Variants in KLHDC4 observed in about 807,000 individuals in gnomAD.
KLHDC4 encodes kelch domain-containing protein 4.
In KLHDC4, 90 loss-of-function variants were observed where a neutral mutation model predicts 62.4. That is an observed-to-expected ratio of 1.44 (90% CI 1.22 to 1.72). KLHDC4 has a LOEUF of 1.72. Among genes scored for constraint, KLHDC4 ranks in the 40% most tolerant of loss-of-function variants. The pLI is 0.00. For missense variants in KLHDC4, 1,025 were observed against 699.7 expected (o/e 1.47, Z -5.25); for synonymous variants, 386 against 284.4 (o/e 1.36, Z -3.59).
rs746156990 is a variant in KLHDC4 at position 87,756,432 on chromosome 16, G to T, written c.237C>A (p.Ile79=). The T allele has an allele frequency of 5.6e-6, 9 of 1,613,652 alleles. No homozygotes were observed. The South Asian group carries it at 7.7e-5, about 14-fold the overall frequency. The change falls in exon 3 of 12, where the codon ATC becomes ATA. Residue 79 remains isoleucine (I), a synonymous_variant. Transcript: ENST00000270583. ...LSVHPEKDEL[I]LFGGEYFNGQ... ...CGTTGAAATATTCACCTCCAAAAAGGATTAACTCATCTTTCTCAGGATGAA... is the reference window on the plus strand; with the variant it reads ...CGTTGAAATATTCACCTCCAAAAAGTATTAACTCATCTTTCTCAGGATGAA...
intron 8 of KLHDC4, among the ~76,000 whole-genome samples, chr16:87,711,699 T>C (rs533126104): frequency 6.6e-6 from 1 of 151,704 alleles, no homozygotes; most frequent in Admixed American, 6.5e-5. Flanking sequence ...TAGGGGCAGC[T>C]ACAAGCCGCA....
In KLHDC4 at chr16:87,765,858, G is replaced by A. The variant is rs142401383; in HGVS notation, c.33C>T (p.Gly11=). 12 of 1,553,326 alleles carry A rather than the reference G, an allele frequency of 7.7e-6. No individual in the cohort carries two copies. In the African/African-American group the frequency reaches 1.4e-4, roughly 18 times the overall value. Reference sequence around the variant, plus strand: ...TGGCGGCCGTCTTCTCCGCGCCGCGGCCCTTCTTCTCCTTCTTGCCCTTCT... The same window carrying A: ...TGGCGGCCGTCTTCTCCGCGCCGCGACCCTTCTTCTCCTTCTTGCCCTTCT... MGKKGKKEKK[G]RGAEKTAAKM... The change falls in exon 1 of 12, where the codon GGC becomes GGT. Residue 11 remains glycine (G), a synonymous_variant. Coordinates refer to ENST00000270583, the MANE Select transcript of KLHDC4 (RefSeq NM_017566.4).
At chr16:87,712,907 G>A (rs1024259175) in intron 8 of KLHDC4, among the ~76,000 whole-genome samples, 2 of 152,238 alleles carry the variant, frequency 1.3e-5, no homozygotes, top group Non-Finnish European at 2.9e-5. Context: ...CCTCCCATAA[G>A]AGAGCTGTCC....
intron 2 of KLHDC4, chr16:87,757,573 G>A (rs931363914): frequency 4.6e-5 from 7 of 150,870 alleles, no homozygotes; most frequent in South Asian, 2.1e-4. Flanking sequence ...GAGAACAAAA[G>A]AAGAGCTACA....
chr16:87,755,353 A>C, intron 3 of KLHDC4, 61 bp from the exon 4 acceptor site: 1 of 891,470 alleles, frequency 1.1e-6, no homozygotes, highest in South Asian at 1.4e-5. Context: ...AAGTGGTGAG[A>C]ACAATCTTAA....
chr16:87,720,617 G>C (rs948902861), intron 7 of KLHDC4, among the ~76,000 whole-genome samples: 8 of 152,244 alleles, frequency 5.3e-5, no homozygotes, highest in African/African-American at 1.7e-4. Flanking sequence ...TTGGGAGAGA[G>C]GGACCCATGA....
intron 5 of KLHDC4, among the ~76,000 whole-genome samples, chr16:87,736,672 C>G (rs2041371194): frequency 6.6e-6 from 1 of 152,192 alleles, no homozygotes; most frequent in African/African-American, 2.4e-5. Flanking sequence ...CTCCAGAATT[C>G]AGGCAACTTA....
intron 4 of KLHDC4, among the ~76,000 whole-genome samples, chr16:87,752,819 C>T (rs16943247): frequency 0.12 from 18,976 of 152,192 alleles, 1,356 homozygotes; most frequent in African/African-American, 0.19. Context: ...ATTAAAACTA[C>T]GGAGACCCAC....
chr16:87,705,650 C>G (rs546688606), downstream of KLHDC4, among the ~76,000 whole-genome samples: 12 of 152,384 alleles, frequency 7.9e-5, 1 homozygote, highest in South Asian at 2.5e-3. Flanking sequence ...GAAAAACTGT[C>G]TCTCATAACA....
chr16:87,751,565 C>T lies in KLHDC4; in HGVS notation c.370-2756G>A, dbSNP rs147827007. Among the ~76,000 whole-genome samples, 563 of 152,218 alleles carry T rather than the reference C, an allele frequency of 3.7e-3. 1 individual carries two copies. The highest frequency in any genetic ancestry group is 6.1e-3 in the Non-Finnish European group (417 of 68,020). Reference sequence around the variant, plus strand: ...TTAGGGAGAATAGACAATGGACTTGCCTTTTAATTCTTTTCATTTTTTTCA... The same window carrying T: ...TTAGGGAGAATAGACAATGGACTTGTCTTTTAATTCTTTTCATTTTTTTCA... On this transcript the variant is annotated intron_variant, in intron 4 of 11. Transcript: ENST00000270583.
intron 7 of KLHDC4, among the ~76,000 whole-genome samples, chr16:87,715,655 T>C (rs2036814959): frequency 6.6e-6 from 1 of 152,196 alleles, no homozygotes; most frequent in South Asian, 2.1e-4. Context: ...CTCATTAGAC[T>C]GGGGTTATGA....
chr16:87,736,025 A>C (rs2041248494), intron 5 of KLHDC4, among the ~76,000 whole-genome samples: 1 of 152,246 alleles, frequency 6.6e-6, no homozygotes, highest in South Asian at 2.1e-4. Flanking sequence ...TACAGTCTAC[A>C]CCTTACAAAA....
rs188253317 is a variant in KLHDC4 at position 87,753,228 on chromosome 16, C to A, written c.369+1966G>T. Among the ~76,000 whole-genome samples, 177 of 152,306 alleles carry A rather than the reference C, an allele frequency of 1.2e-3. 1 individual carries two copies. Among genetic ancestry groups the A allele is most frequent in the African/African-American group, 3.9e-3 (164 of 41,584 alleles). ...TGGAGTCTCTGTACACTAAACTGCACCCTGGGAGGGTGAGACCAAGGAACC... is the reference window on the plus strand; with the variant it reads ...TGGAGTCTCTGTACACTAAACTGCAACCTGGGAGGGTGAGACCAAGGAACC... On this transcript the variant is annotated intron_variant, in intron 4 of 11. Coordinates refer to ENST00000270583, the MANE Select transcript of KLHDC4 (RefSeq NM_017566.4).
chr16:87,720,482 G>A (rs768676442), intron 7 of KLHDC4, among the ~76,000 whole-genome samples: 20 of 152,280 alleles, frequency 1.3e-4, no homozygotes, highest in Non-Finnish European at 2.4e-4. Context: ...GGCAAGCAGC[G>A]ACCGCACGCA....
chr16:87,709,195 T>C, intron 10 of KLHDC4, 70 bp downstream of exon 10: 1 of 1,537,598 alleles, frequency 6.5e-7, no homozygotes, highest in Non-Finnish European at 8.8e-7. Context: ...AGGGCTTGCT[T>C]TCGAGGGACG....
chr16:87,731,388 T>C (rs1035022674), intron 5 of KLHDC4, among the ~76,000 whole-genome samples: 31 of 151,602 alleles, frequency 2.0e-4, no homozygotes, highest in African/African-American at 7.0e-4. Context: ...TCTATCTTAA[T>C]AGTAAGATAA....
At chr16:87,704,674 G>A (rs988697400), downstream of KLHDC4, among the ~76,000 whole-genome samples, 3 of 152,024 alleles carry the variant, frequency 2.0e-5, no homozygotes, top group African/African-American at 4.8e-5. Context: ...CAGTGACTTT[G>A]TCACCTAGCC....
exon 1 of KLHDC4, chr16:87,700,485 G>C (rs992784045): frequency 5.9e-6 from 1 of 169,054 alleles, no homozygotes; most frequent in African/African-American, 2.4e-5. Flanking sequence ...AGGGGGTAGA[G>C]GGAGGAGGGC....
downstream of KLHDC4, among the ~76,000 whole-genome samples, chr16:87,703,599 G>T (rs111589787): frequency 1.0e-2 from 1,519 of 152,332 alleles, 7 homozygotes; most frequent in Non-Finnish European, 0.018. Context: ...GTAAACCTGC[G>T]CTTCTCACCC....
Sources: allele counts gnomAD v4.1 joint callset (sites outside exome capture counted in the v4.1 genomes callset), GRCh38; gene constraint gnomAD v4.1.1; transcripts MANE v1.5; gene names NCBI Gene and HGNC (gene_info 2026-07-23, HGNC 2026-07-21).